ILDR2: variants seen among roughly 807,000 people sequenced by gnomAD.
ILDR2 encodes the protein immunoglobulin-like domain-containing receptor 2.
ILDR2 carries 25 observed loss-of-function variants against 66.8 expected under a neutral mutation model. That is an observed-to-expected ratio of 0.37 (90% CI 0.27 to 0.52). The LOEUF is 0.52. ILDR2 is among the 20% of genes least tolerant of loss of function. The pLI, the probability that ILDR2 is intolerant of heterozygous loss-of-function variation, is 0.88. For missense variants in ILDR2, 827 were observed against 876.8 expected (o/e 0.94, Z 0.72); for synonymous variants, 367 against 357.2 (o/e 1.03, Z -0.31).
chr1:166,933,868 G>C (rs1660782497), intron 6 of ILDR2, among the ~76,000 whole-genome samples: 1 of 152,138 alleles, frequency 6.6e-6, no homozygotes, highest in African/African-American at 2.4e-5. Context: ...TCAGATGTCA[G>C]AATTCTACTA....
At chr1:166,905,695 TACAA>T (rs1467776555), downstream of ILDR2, among the ~76,000 whole-genome samples, 18 of 152,198 alleles carry the variant, frequency 1.2e-4, no homozygotes, top group African/African-American at 4.3e-4. Flanking sequence ...TAAAAACACA[TACAA>T]ACAGCTTTTG....
chr1:166,975,136 G>T, intron 1 of ILDR2, 87 bp downstream of exon 1: 1 of 1,186,432 alleles, frequency 8.4e-7, no homozygotes, highest in Non-Finnish European at 1.3e-6. Context: ...CAGTAAGGAG[G>T]AAAATGGGGG....
intron 2 of ILDR2, among the ~76,000 whole-genome samples, chr1:166,898,364 G>A (rs181752100): frequency 1.7e-4 from 26 of 152,278 alleles, no homozygotes; most frequent in African/African-American, 6.3e-4. Flanking sequence ...CTCGGACTCT[G>A]CAGATCATTC....
chr1:166,921,295 G>A lies in ILDR2; in HGVS notation c.1296C>T (p.Ala432=). The stretch of plus-strand genomic sequence containing the variant: ...GCCGCTGGCCGTAGGAGTCAGCGAA[G>A]GCCGCCAGCTCGTCCATGGAAACGG... The part of the protein sequence containing the change: ...VPAVSMDELA[A]FADSYGQRPR... Residue 432 remains alanine, a synonymous_variant, in exon 9 of 10, where the codon GCC becomes GCT. Transcript: ENST00000271417. The surrounding 1 kb of genome is among the most constrained non-coding windows in gnomAD (Gnocchi z 5.3). 1 of 1,597,754 alleles carries A rather than the reference G, an allele frequency of 6.3e-7. No homozygotes were observed. The highest frequency in any genetic ancestry group is 1.1e-5 in the South Asian group (1 of 90,364).
chr1:166,906,843 G>A (rs1465663232), downstream of ILDR2, among the ~76,000 whole-genome samples: 2 of 152,180 alleles, frequency 1.3e-5, no homozygotes, highest in African/African-American at 2.4e-5. Flanking sequence ...GAGTTCAGAT[G>A]TACCCTCAGG....
intron 2 of ILDR2, among the ~76,000 whole-genome samples, chr1:166,900,801 T>C (rs1235585997): frequency 2.0e-5 from 3 of 152,260 alleles, no homozygotes; most frequent in Admixed American, 2.0e-4. Context: ...AAAAAATAGA[T>C]GAAAGTGTAG....
chr1:166,910,901 C>G lies in ILDR2; in HGVS notation c.*8454G>C, dbSNP rs563952483. ...ATCCTATGAGTCTAGTCCTTCCTTG[C>G]TGCTTCTTTTTTTTCTTGTCTTTTT... On this transcript the variant is annotated 3_prime_UTR_variant, in exon 10 of 10. Coordinates refer to ENST00000271417, the MANE Select transcript of ILDR2 (RefSeq NM_199351.3). The G allele has an allele frequency of 5.3e-5, 8 of 152,248 alleles. No homozygotes were observed. In the South Asian group the frequency reaches 1.7e-3, roughly 32 times the overall value. 9.4% of individuals were successfully genotyped at this position (152,248 alleles called of 1,614,324 possible).
chr1:166,918,007 A>G lies in ILDR2; in HGVS notation c.*1348T>C, dbSNP rs1659708142. 1 of 152,188 alleles carries G rather than the reference A, an allele frequency of 6.6e-6. No individual in the cohort carries two copies. The highest frequency in any genetic ancestry group is 1.5e-5 in the Non-Finnish European group (1 of 68,030). The allele number at this position is 152,188 out of a possible 1,614,324, so 9.4% of individuals were successfully genotyped here. A position where few individuals can be genotyped will look rare whatever the true frequency, so the allele number is the denominator to read the frequency against. On this transcript the variant is annotated 3_prime_UTR_variant, in exon 10 of 10. Coordinates refer to ENST00000271417, the MANE Select transcript of ILDR2 (RefSeq NM_199351.3). ...TTTGTTGGGCTACTGGCTAAATCAA[A>G]TCACATAGCCAACTCCAGATTCAAG...
downstream of ILDR2, among the ~76,000 whole-genome samples, chr1:166,905,287 A>G (rs956392899): frequency 6.6e-6 from 1 of 152,230 alleles, no homozygotes; most frequent in African/African-American, 2.4e-5. Context: ...GAGCCAAGCC[A>G]GGTTCCACTG....
Position 166,957,922 on chromosome 1 carries a change from G to A in ILDR2, c.226C>T (p.Arg76Trp), listed in dbSNP as rs748472038. Residue 76 changes from arginine (R) to tryptophan (W), a missense_variant, in exon 2 of 10, where the codon CGG becomes TGG. Physicochemically the swap from Arg to Trp is moderately radical, Grantham distance 101. Around this residue, in one of 2 missense-constraint regions of ILDR2, gnomAD observed 437 missense variants for 523.2 expected, o/e 0.84. Coordinates refer to ENST00000271417, the MANE Select transcript of ILDR2 (RefSeq NM_199351.3). ...TTTCTCTTGCTGAGAGATTGGGCCC[G>A]GGTAGAGGACATGCCCAAGGATTCT... Reference protein sequence around the residue: ...MGESLGMSSTRAQSLSKRNLE... With the variant: ...MGESLGMSSTWAQSLSKRNLE... 29 of 1,614,044 alleles carry A rather than the reference G, an allele frequency of 1.8e-5. No individual in the cohort carries two copies. The highest frequency in any genetic ancestry group is 6.7e-5 in the African/African-American group (5 of 74,930).
In ILDR2 at chr1:166,911,654, A is replaced by C. The variant is rs578179622; in HGVS notation, c.*7701T>G. ...AAGATATTCAGATAAATAAGAGGGC[A>C]TTGTAAAAAAAAAAAAAGAGTAAGT... On this transcript the variant is annotated 3_prime_UTR_variant, in exon 10 of 10. Transcript: ENST00000271417. The C allele has an allele frequency of 1.0e-4, 13 of 125,092 alleles. No homozygotes were observed. Among genetic ancestry groups the C allele is most frequent in the African/African-American group, 3.7e-4 (13 of 35,136 alleles). The allele number at this position is 125,092 out of a possible 1,614,324, so 7.7% of individuals were successfully genotyped here. A position where few individuals can be genotyped will look rare whatever the true frequency, so the allele number is the denominator to read the frequency against.
At chr1:166,975,184 T>C (rs1263023591) in intron 1 of ILDR2, 39 bp downstream of exon 1, 2 of 1,515,134 alleles carry the variant, frequency 1.3e-6, no homozygotes, top group Admixed American at 1.7e-5. Flanking sequence ...ACTACAGGAA[T>C]ATACAAAGTT....
At chr1:166,958,272 G>T (rs1662399784) in intron 1 of ILDR2, among the ~76,000 whole-genome samples, 171 bp from the exon 2 acceptor site, 1 of 152,000 alleles carries the variant, frequency 6.6e-6, no homozygotes. Context: ...GCAGAAATAT[G>T]CCCTCTAATA....
intron 1 of ILDR2, among the ~76,000 whole-genome samples, chr1:166,960,698 A>G (rs1662559656): frequency 2.0e-5 from 3 of 152,142 alleles, no homozygotes; most frequent in Admixed American, 2.0e-4. Flanking sequence ...CAGATTATGT[A>G]GATCAGCCCC....
intron 3 of ILDR2, among the ~76,000 whole-genome samples, chr1:166,941,721 C>T (rs1351032553): frequency 6.6e-6 from 1 of 151,898 alleles, no homozygotes; most frequent in Non-Finnish European, 1.5e-5. Flanking sequence ...CTTGGTGTAT[C>T]TTGTAAAATC....
At chr1:166,974,053 T>A (rs1366597842) in intron 1 of ILDR2, among the ~76,000 whole-genome samples, 1 of 152,256 alleles carries the variant, frequency 6.6e-6, no homozygotes, top group East Asian at 1.9e-4. Flanking sequence ...TTGTTTTAGC[T>A]ATTTTAAGCT....
intron 7 of ILDR2, among the ~76,000 whole-genome samples, chr1:166,926,057 C>T (rs1660260936): frequency 6.6e-6 from 1 of 152,198 alleles, no homozygotes; most frequent in South Asian, 2.1e-4. Context: ...GAGGATACAG[C>T]AATGGATACA....
Position 166,920,806 on chromosome 1 carries a change from G to T in ILDR2, c.1785C>A (p.Ser595Arg). The change falls in exon 9 of 10, where the codon AGC (serine) becomes AGA (arginine). Residue 595 changes from serine (S) to arginine (R), a missense_variant. By Grantham distance (110) the Ser-to-Arg change is moderately radical. Transcript: ENST00000271417. ...ACGGGCCGCGGGTCAGCTCCAGCTC[G>T]CTGTAGGGCGGCAGCGCGTCGTCGG... is the stretch of plus-strand genomic sequence containing the variant. The part of the protein sequence containing the change: ...DASDDALPPY[S>R]ELELTRGPSY... The T allele has an allele frequency of 6.5e-7, 1 of 1,531,370 alleles. No individual in the cohort carries two copies. Among genetic ancestry groups the T allele is most frequent in the Non-Finnish European group, 8.8e-7 (1 of 1,141,576 alleles). The allele number at this position is 1,531,370 out of a possible 1,614,324, so 94.9% of individuals were successfully genotyped here. A position where few individuals can be genotyped will look rare whatever the true frequency, so the allele number is the denominator to read the frequency against.
downstream of ILDR2, among the ~76,000 whole-genome samples, chr1:166,907,619 G>A (rs1057093272): frequency 2.4e-4 from 36 of 152,178 alleles, no homozygotes; most frequent in Non-Finnish European, 4.4e-5. Flanking sequence ...GGAATCGAAA[G>A]AAAGTTTAGT....
Sources: gnomAD v4.1 joint callset for allele counts (sites outside exome capture counted in the v4.1 genomes callset) on GRCh38, gnomAD v4.1.1 for gene constraint, gnomAD v4.1.1 regional missense constraint, Gnocchi (gnomAD v3.1) non-coding constraint, MANE v1.5 for transcripts, NCBI Gene and HGNC (gene_info 2026-07-23, HGNC 2026-07-21) for gene names.